PRMT2: variants seen among roughly 807,000 people sequenced by gnomAD.
The protein encoded by PRMT2 is protein arginine N-methyltransferase 2.
PRMT2 carries 26 observed loss-of-function variants against 57.6 expected under a neutral mutation model. That is an observed-to-expected ratio of 0.45 (90% CI 0.33 to 0.63). The LOEUF (loss-of-function observed/expected upper bound fraction) is 0.63, where lower values mean the gene tolerates loss of function less well. Among genes scored for constraint, PRMT2 ranks in the 20% least tolerant of loss-of-function variants. The pLI is 0.02. For synonymous variants in PRMT2, 219 were observed against 220.0 expected (o/e 1.00, Z 0.04); for missense variants, 472 against 564.4 (o/e 0.84, Z 1.66).
rs771042090 is a variant in PRMT2 at position 46,648,608 on chromosome 21, C to T, written c.478C>T (p.Arg160Trp). 9.9e-6 allele frequency: 16 copies of T among 1,612,522 alleles called. No homozygotes were observed. The highest frequency in any genetic ancestry group is 3.3e-5 in the South Asian group (3 of 91,062). The change falls in exon 6 of 12, where the codon CGG (arginine) becomes TGG (tryptophan). Residue 160 changes from arginine to tryptophan, a missense_variant. This residue lies in a region of PRMT2 where 243 missense variants were observed against 347.2 expected (regional missense o/e 0.70). Transcript: ENST00000355680. This position sits in a 1 kb window ranked among gnomAD's most constrained non-coding sequence, Gnocchi z 4.8. ...IISLFCAHYA[R>W]PRAVYAVEAS... ...CAGTCTCTTCTGTGCACACTATGCG[C>T]GGCCTAGAGCGGTGAGTGGGGTCTC... is the stretch of plus-strand genomic sequence containing the variant.
At chr21:46,660,130 C>G in intron 8 of PRMT2, 1 of 973,210 alleles carries the variant, frequency 1.0e-6, no homozygotes, top group South Asian at 4.8e-5. Context: ...TTAAAACATT[C>G]ACTTTTATTT....
intron 5 of PRMT2, among the ~76,000 whole-genome samples, chr21:46,645,113 T>C (rs551526304): frequency 8.8e-6 from 1 of 113,862 alleles, no homozygotes; most frequent in Non-Finnish European, 1.8e-5. Flanking sequence ...TAAAAAAAAA[T>C]ATAATTAGCT....
chr21:46,658,644 C>T, intron 7 of PRMT2, 101 bp from the exon 8 acceptor site: 2 of 1,544,706 alleles, frequency 1.3e-6, no homozygotes, highest in Non-Finnish European at 8.8e-7. Flanking sequence ...GAGGCTAAAA[C>T]TGTAGAACTG....
At chr21:46,644,615 G>A (rs923387909) in intron 5 of PRMT2, 127 bp downstream of exon 5, 14 of 900,730 alleles carry the variant, frequency 1.6e-5, no homozygotes, top group Non-Finnish European at 2.1e-5. Flanking sequence ...TAGCCACTCA[G>A]CTCTGACATG....
At chr21:46,641,725 G>C (rs1012551195) in intron 3 of PRMT2, among the ~76,000 whole-genome samples, 1 of 123,660 alleles carries the variant, frequency 8.1e-6, no homozygotes, top group Non-Finnish European at 1.9e-5. Flanking sequence ...CAGCCTGTGT[G>C]TGTGTGTGTG....
chr21:46,652,513 C>T, intron 7 of PRMT2: 1 of 985,380 alleles, frequency 1.0e-6, no homozygotes, highest in Non-Finnish European at 1.2e-6. Context: ...TGTTCAATGC[C>T]ACCAACAATT....
At chr21:46,653,961 C>A in intron 7 of PRMT2, 1 of 1,004,064 alleles carries the variant, frequency 1.0e-6, no homozygotes, top group Non-Finnish European at 1.2e-6. Flanking sequence ...TGGCGTGGAG[C>A]ATTTCCGAAC....
At position 46,664,658 on chromosome 21, in the gene PRMT2, C is replaced by T. The variant is rs556019805; in HGVS notation, c.*331C>T. On this transcript the variant is annotated 3_prime_UTR_variant, in exon 12 of 12. Transcript: ENST00000355680. ...CCTAAGCTAGGTCTAGGTCTACACT[C>T]CTAGGACGCACGCATATCAGCCCGT... is the stretch of plus-strand genomic sequence containing the variant. 8.6e-5 allele frequency: 35 copies of T among 405,990 alleles called. No homozygotes were observed. The East Asian group carries it at 1.5e-3, about 17-fold the overall frequency. The allele number at this position is 405,990 out of a possible 1,614,324, so 25.1% of individuals were successfully genotyped here. A position where few individuals can be genotyped will look rare whatever the true frequency, so the allele number is the denominator to read the frequency against.
chr21:46,659,792 A>T, intron 8 of PRMT2: 1 of 985,430 alleles, frequency 1.0e-6, no homozygotes, highest in Middle Eastern at 5.2e-4. Flanking sequence ...GAGGAACGTG[A>T]TTGAATTGCT....
At chr21:46,651,793 T>C in intron 7 of PRMT2, 1 of 1,612,830 alleles carries the variant, frequency 6.2e-7, no homozygotes, top group South Asian at 1.1e-5. Flanking sequence ...CCACCTTCAC[T>C]TTCCGTCCCC....
chr21:46,662,017 G>C (rs2061634772), intron 10 of PRMT2, 81 bp downstream of exon 10: 1 of 376,514 alleles, frequency 2.7e-6, no homozygotes, highest in East Asian at 6.4e-5. Context: ...GCGCGCAGGA[G>C]GGGGTGGGAC....
At chr21:46,640,988 T>C (rs1423505446) in intron 3 of PRMT2, among the ~76,000 whole-genome samples, 1 of 152,008 alleles carries the variant, frequency 6.6e-6, no homozygotes, top group South Asian at 2.1e-4. Flanking sequence ...ATAGTATCTA[T>C]ATTGTACCAA....
At chr21:46,637,212 G>T (rs2061189113) in intron 3 of PRMT2, among the ~76,000 whole-genome samples, 2 of 152,160 alleles carry the variant, frequency 1.3e-5, no homozygotes. Context: ...GAAATACTTA[G>T]CCCCAAAACA....
intron 10 of PRMT2, among the ~76,000 whole-genome samples, chr21:46,662,382 C>G (rs1194119324): frequency 6.6e-6 from 1 of 152,230 alleles, no homozygotes; most frequent in African/African-American, 2.4e-5. Flanking sequence ...GCCCTGCAGG[C>G]CTTCCCTTTG....
intron 3 of PRMT2, among the ~76,000 whole-genome samples, chr21:46,641,301 G>C (rs1209617687): frequency 6.6e-6 from 1 of 152,202 alleles, no homozygotes; most frequent in Non-Finnish European, 1.5e-5. Flanking sequence ...GAATCAAGCG[G>C]AATTCCTGCT....
intron 7 of PRMT2, chr21:46,653,009 T>C (rs1454641837): frequency 1.7e-6 from 2 of 1,172,532 alleles, no homozygotes; most frequent in Non-Finnish European, 1.1e-6. Context: ...CCATTGCACA[T>C]TTGGTAGAAT....
In PRMT2 at chr21:46,649,154, G is replaced by A. The variant is rs977261214; in HGVS notation, c.490-421G>A. On this transcript the variant is annotated intron_variant, in intron 6 of 11. Transcript: ENST00000355680. The surrounding 1 kb of genome is among the most constrained non-coding windows in gnomAD (Gnocchi z 4.8). ...GGCTCTGCAGGACCCAGGACCCAGC[G>A]CTTGGGTGCTTCCCACCAGACCCTT... Among the ~76,000 whole-genome samples the A allele has an allele frequency of 3.9e-5, 6 of 152,208 alleles. No homozygotes were observed. The highest frequency in any genetic ancestry group is 2.1e-4 in the South Asian group (1 of 4,836).
rs775877732 is a variant in PRMT2 at position 46,649,714 on chromosome 21, C to CT, written c.630dup (p.Glu211Ter). 6.2e-7 allele frequency: 1 copy of CT among 1,613,742 alleles called. No homozygotes were observed. Among genetic ancestry groups the CT allele is most frequent in the South Asian group, 1.1e-5 (1 of 91,048 alleles). On this transcript the variant is annotated frameshift_variant, in exon 7 of 12. Transcript: ENST00000355680. LOFTEE classifies it high-confidence loss of function. This position sits in a 1 kb window ranked among gnomAD's most constrained non-coding sequence, Gnocchi z 4.8. ...CCCGAGAAGGTGGACGTGCTGGTGT[C>CT]TGAGTGGATGGGGACCTGCCTGCTG... is the stretch of plus-strand genomic sequence containing the variant.
chr21:46,645,299 T>C (rs1421423627), intron 5 of PRMT2, among the ~76,000 whole-genome samples: 1 of 152,224 alleles, frequency 6.6e-6, no homozygotes, highest in East Asian at 1.9e-4. Context: ...ATTCTATAAA[T>C]CTATGAATAA....
Sources: allele counts gnomAD v4.1 joint callset (sites outside exome capture counted in the v4.1 genomes callset), GRCh38; gene constraint gnomAD v4.1.1; regional missense constraint gnomAD v4.1.1; non-coding constraint Gnocchi (gnomAD v3.1); transcripts MANE v1.5; gene names NCBI Gene and HGNC (gene_info 2026-07-23, HGNC 2026-07-21).